Variants in EFCAB8 observed in about 807,000 individuals in gnomAD.
EFCAB8 encodes the protein EF-hand calcium-binding domain-containing protein 8.
EFCAB8 carries 100 observed loss-of-function variants against 116.3 expected under a neutral mutation model. The ratio of observed to expected loss-of-function variants is 0.86; its 90% CI spans 0.73 to 1.02. The LOEUF (loss-of-function observed/expected upper bound fraction) is 1.02. Ranked by LOEUF, EFCAB8 falls within the 50% of genes least tolerant of loss-of-function variation. EFCAB8 has a pLI of 0.00. For missense variants in EFCAB8, 1,320 were observed against 1,416.9 expected (o/e 0.93, Z 1.10); for synonymous variants, 558 against 567.9 (o/e 0.98, Z 0.25).
In EFCAB8 at chr20:32,885,641, GT is replaced by G; in HGVS notation, c.567+2del. 6.4e-7 allele frequency: 1 copy of G among 1,551,708 alleles called. No individual in the cohort carries two copies. The highest frequency in any genetic ancestry group is 8.7e-7 in the Non-Finnish European group (1 of 1,146,982). ...CTTCTCGCTGATGAGCTCCTTTAGG[GT>G]GAGTGGGGCCCCTACACATGGTGCA... On this transcript the variant is annotated splice_donor_variant, in intron 6 of 26. Coordinates refer to ENST00000400522, the MANE Select transcript of EFCAB8 (RefSeq NM_001143967.2). LOFTEE classifies it high-confidence loss of function.
chr20:32,932,159 A>T (rs1428631020), intron 22 of EFCAB8, among the ~76,000 whole-genome samples: 2 of 152,158 alleles, frequency 1.3e-5, no homozygotes, highest in African/African-American at 4.8e-5. Context: ...CTGGTGGATC[A>T]TCTGAGGTCA....
chr20:32,883,549 G>A (rs1316628515), intron 5 of EFCAB8, among the ~76,000 whole-genome samples: 1 of 152,152 alleles, frequency 6.6e-6, no homozygotes, highest in Admixed American at 6.6e-5. Context: ...AGGAAGGGGA[G>A]ACATTCCCTA....
chr20:32,878,834 TG>T (rs1470548872), intron 5 of EFCAB8, 27 bp downstream of exon 5: 1 of 1,541,688 alleles, frequency 6.5e-7, no homozygotes, highest in South Asian at 1.2e-5. Context: ...TGGGCCTTGG[TG>T]GGTGGGGTGA....
At chr20:32,935,192 CTTT>C (rs753039647) in intron 22 of EFCAB8, among the ~76,000 whole-genome samples, 319 of 34,020 alleles carry the variant, frequency 9.4e-3, no homozygotes, top group Non-Finnish European at 0.011. Context: ...TTCTTTCTTT[CTTT>C]TTTTTTTTTT....
At chr20:32,875,852 T>G in intron 3 of EFCAB8, 74 bp from the exon 4 acceptor site, 34 of 1,368,792 alleles carry the variant, frequency 2.5e-5, no homozygotes, top group East Asian at 5.0e-5. Context: ...CCCAGACACT[T>G]GAGAACTCCG....
At chr20:32,939,104 CCTTT>C (rs1170043890) in intron 22 of EFCAB8, among the ~76,000 whole-genome samples, 3 of 128,994 alleles carry the variant, frequency 2.3e-5, no homozygotes, top group East Asian at 2.4e-4. Flanking sequence ...TTCCTTCCTT[CCTTT>C]CTTTCTCTCT....
intron 14 of EFCAB8, 77 bp downstream of exon 14, chr20:32,908,489 A>G (rs1327529143): frequency 2.4e-6 from 3 of 1,233,746 alleles, no homozygotes; most frequent in African/African-American, 3.1e-5. Flanking sequence ...GGGACACCCA[A>G]GGGGTGGCCA....
chr20:32,956,624 T>C (rs1273889843), intron 23 of EFCAB8, among the ~76,000 whole-genome samples: 1 of 152,170 alleles, frequency 6.6e-6, no homozygotes, highest in African/African-American at 2.4e-5. Flanking sequence ...GGTCTTCTGG[T>C]GTTGATATTT....
rs1238841285 is a variant in EFCAB8 at position 32,961,728 on chromosome 20, A to C, written c.*119A>C. 5.9e-5 allele frequency: 33 copies of C among 557,220 alleles called. No homozygotes were observed. The highest frequency in any genetic ancestry group is 8.5e-5 in the Non-Finnish European group (31 of 365,218). 34.5% of individuals were successfully genotyped at this position (557,220 alleles called of 1,614,324 possible). A position where few individuals can be genotyped will look rare whatever the true frequency, so the allele number is the denominator to read the frequency against. On this transcript the variant is annotated 3_prime_UTR_variant, in exon 27 of 27. Transcript: ENST00000400522. Reference sequence around the variant, plus strand: ...ATGTGGCTCTTCCCCCGGCCACCCCACTGGGCCTCTCTGGGGAAGTTCACC... The same window carrying C: ...ATGTGGCTCTTCCCCCGGCCACCCCCCTGGGCCTCTCTGGGGAAGTTCACC...
At chr20:32,871,678 C>G (rs1330161658) in intron 3 of EFCAB8, among the ~76,000 whole-genome samples, 2 of 152,084 alleles carry the variant, frequency 1.3e-5, no homozygotes, top group African/African-American at 4.8e-5. Flanking sequence ...GATCATTTTT[C>G]TCTTTTGAAA....
chr20:32,945,960 A>G (rs1288887506), intron 23 of EFCAB8, among the ~76,000 whole-genome samples: 1 of 152,202 alleles, frequency 6.6e-6, no homozygotes, highest in Non-Finnish European at 1.5e-5. Flanking sequence ...CCTCTAGAAT[A>G]TGCTGGGTCC....
intron 5 of EFCAB8, among the ~76,000 whole-genome samples, chr20:32,882,071 ACC>A (rs1437476270): frequency 6.6e-6 from 1 of 152,064 alleles, no homozygotes; most frequent in Admixed American, 6.6e-5. Flanking sequence ...GGTGGCAGGC[ACC>A]TGTAATCCCA....
chr20:32,899,924 A>C (rs1986349190), intron 11 of EFCAB8, among the ~76,000 whole-genome samples: 1 of 152,074 alleles, frequency 6.6e-6, no homozygotes, highest in Admixed American at 6.6e-5. Context: ...TACTGTGGAT[A>C]AACTGGTAGG....
In EFCAB8 at chr20:32,898,726, GAC is replaced by G. The variant is rs1986284932; in HGVS notation, c.1088+104_1088+105del. 6 of 642,232 alleles carry G rather than the reference GAC, an allele frequency of 9.3e-6. No individual in the cohort carries two copies. In the South Asian group the frequency reaches 1.0e-4, roughly 11 times the overall value. 39.8% of individuals were successfully genotyped at this position (642,232 alleles called of 1,614,324 possible). On this transcript the variant is annotated intron_variant, in intron 11 of 26. Coordinates refer to ENST00000400522, the MANE Select transcript of EFCAB8 (RefSeq NM_001143967.2). ...AGTGGCAGATGGTGGTTGGTGTATG[GAC>G]TCTGGGGTTTAGTTTTTCCAGCATT... is the stretch of plus-strand genomic sequence containing the variant.
intron 3 of EFCAB8, 75 bp from the exon 4 acceptor site, chr20:32,875,850 CT>C: frequency 1.5e-6 from 2 of 1,354,964 alleles, no homozygotes; most frequent in Non-Finnish European, 2.1e-6. Context: ...CACCCAGACA[CT>C]TGAGAACTCC....
intron 24 of EFCAB8, among the ~76,000 whole-genome samples, chr20:32,959,540 A>C (rs1356488813): frequency 6.6e-6 from 1 of 152,188 alleles, no homozygotes; most frequent in South Asian, 2.1e-4. Context: ...TCAGGTCTGC[A>C]TGGTGGAGAG....
intron 24 of EFCAB8, among the ~76,000 whole-genome samples, chr20:32,959,275 A>G (rs1989067745): frequency 6.6e-6 from 1 of 152,234 alleles, no homozygotes. Context: ...TCAGAGGACA[A>G]TCTACATGAT....
intron 23 of EFCAB8, among the ~76,000 whole-genome samples, chr20:32,946,852 G>A (rs13339906): frequency 0.033 from 4,967 of 152,164 alleles, 299 homozygotes; most frequent in African/African-American, 0.11. Context: ...CTATAGTTTT[G>A]CCTTTTCCAG....
chr20:32,948,043 A>C (rs1018255199), intron 23 of EFCAB8, among the ~76,000 whole-genome samples: 1 of 152,156 alleles, frequency 6.6e-6, no homozygotes, highest in South Asian at 2.1e-4. Context: ...CAATGAACCC[A>C]AAAGCTGGTT....
Sources: gnomAD v4.1 joint callset for allele counts (sites outside exome capture counted in the v4.1 genomes callset) on GRCh38, gnomAD v4.1.1 for gene constraint, MANE v1.5 for transcripts, NCBI Gene and HGNC (gene_info 2026-07-23, HGNC 2026-07-21) for gene names.